SPAG16: variants seen among roughly 807,000 people sequenced by gnomAD.
SPAG16 encodes sperm-associated antigen 16 protein.
SPAG16 carries 86 observed loss-of-function variants against 80.4 expected under a neutral mutation model. The observed-to-expected ratio is 1.07, with a 90% CI of 0.90 to 1.28. The LOEUF is 1.28. Among genes scored for constraint, SPAG16 ranks in the 50% most tolerant of loss-of-function variants. SPAG16 has a pLI of 0.00. For missense variants in SPAG16, 870 were observed against 765.3 expected (o/e 1.14, Z -1.61); for synonymous variants, 294 against 265.9 (o/e 1.11, Z -1.03).
At chr2:213,824,266 C>T (rs2073131673) in intron 10 of SPAG16, among the ~76,000 whole-genome samples, 1 of 152,054 alleles carries the variant, frequency 6.6e-6, no homozygotes, top group Non-Finnish European at 1.5e-5. Context: ...AGCTATACTA[C>T]AAGGCTATGG....
chr2:214,173,650 G>A (rs1027345420), intron 15 of SPAG16, among the ~76,000 whole-genome samples: 3 of 151,886 alleles, frequency 2.0e-5, no homozygotes, highest in African/African-American at 7.3e-5. Context: ...AGAGCTACAA[G>A]GAGGAACTGG....
chr2:213,405,354 T>C (rs1368179429), intron 9 of SPAG16, among the ~76,000 whole-genome samples: 1 of 152,184 alleles, frequency 6.6e-6, no homozygotes, highest in Non-Finnish European at 1.5e-5. Context: ...CATGGATACA[T>C]AATAGTTACA....
At chr2:213,771,797 C>G (rs760638681) in intron 10 of SPAG16, among the ~76,000 whole-genome samples, 3 of 152,078 alleles carry the variant, frequency 2.0e-5, no homozygotes, top group Non-Finnish European at 4.4e-5. Flanking sequence ...CTATTCTGTT[C>G]CTTTGAATTA....
intron 1 of SPAG16, among the ~76,000 whole-genome samples, chr2:213,294,153 T>C (rs1204014881): frequency 6.6e-6 from 1 of 152,228 alleles, no homozygotes; most frequent in Non-Finnish European, 1.5e-5. Context: ...TTTTTTTAGA[T>C]TCCACATATA....
intron 15 of SPAG16, among the ~76,000 whole-genome samples, chr2:214,280,157 A>G (rs1692809431): frequency 6.6e-6 from 1 of 152,202 alleles, no homozygotes; most frequent in South Asian, 2.1e-4. Context: ...CGGTAATGCA[A>G]TGTTGGTTTA....
At chr2:213,710,298 A>G (rs1450907835) in intron 10 of SPAG16, among the ~76,000 whole-genome samples, 1 of 151,944 alleles carries the variant, frequency 6.6e-6, no homozygotes, top group Non-Finnish European at 1.5e-5. Flanking sequence ...AAAAAAAAAA[A>G]GAAGTTATAG....
intron 10 of SPAG16, among the ~76,000 whole-genome samples, chr2:213,644,849 A>G (rs998710248): frequency 4.6e-5 from 7 of 152,136 alleles, no homozygotes; most frequent in African/African-American, 1.7e-4. Context: ...TGCTGTAACT[A>G]CTTCCTGGCC....
chr2:213,846,566 CAAAAT>C (rs2074638280), intron 10 of SPAG16, among the ~76,000 whole-genome samples: 1 of 151,632 alleles, frequency 6.6e-6, no homozygotes, highest in Non-Finnish European at 1.5e-5. Flanking sequence ...TAATTTGACA[CAAAAT>C]AATATAATTA....
chr2:213,326,228 G>A (rs1339892811), intron 5 of SPAG16, among the ~76,000 whole-genome samples: 1 of 151,934 alleles, frequency 6.6e-6, no homozygotes, highest in East Asian at 1.9e-4. Context: ...AGAGAGTATA[G>A]GCATAAAGAA....
chr2:214,082,311 A>T lies in SPAG16; in HGVS notation c.1528-25885A>T, dbSNP rs544492178. 1.2e-4 allele frequency among the ~76,000 whole-genome samples: 18 copies of T among 152,176 alleles called. No homozygotes were observed. The South Asian group carries it at 3.7e-3, about 32-fold the overall frequency. On this transcript the variant is annotated intron_variant, in intron 13 of 15. Transcript: ENST00000331683. Reference sequence around the variant, plus strand: ...TTTTTCCATAAATAAATTTCTCCTCATCAATCTTCTTTCATTAAATAAAAT... The same window carrying T: ...TTTTTCCATAAATAAATTTCTCCTCTTCAATCTTCTTTCATTAAATAAAAT...
intron 10 of SPAG16, among the ~76,000 whole-genome samples, chr2:213,547,975 A>G (rs2076665773): frequency 1.3e-5 from 2 of 152,120 alleles, no homozygotes; most frequent in Admixed American, 6.5e-5. Flanking sequence ...TCTGTTTCCA[A>G]TTGGTACATA....
At chr2:213,358,140 G>GT in intron 7 of SPAG16, among the ~76,000 whole-genome samples, 1 of 152,150 alleles carries the variant, frequency 6.6e-6, no homozygotes, top group Non-Finnish European at 1.5e-5. Context: ...TTAGTCTGAT[G>GT]AGCTTCCCCT....
At chr2:213,990,846 T>C (rs376285008) in intron 12 of SPAG16, among the ~76,000 whole-genome samples, 2 of 152,106 alleles carry the variant, frequency 1.3e-5, no homozygotes, top group Middle Eastern at 3.2e-3. Flanking sequence ...GTGCCCCATA[T>C]GGAATTTGTA....
intron 10 of SPAG16, among the ~76,000 whole-genome samples, chr2:213,832,639 CAAG>C (rs981574947): frequency 6.6e-6 from 1 of 152,064 alleles, no homozygotes; most frequent in Non-Finnish European, 1.5e-5. Flanking sequence ...ACAGAGAGGC[CAAG>C]AAGAATTGGA....
intron 15 of SPAG16, among the ~76,000 whole-genome samples, chr2:214,259,260 G>T (rs1447965558): frequency 1.3e-5 from 2 of 151,666 alleles, no homozygotes; most frequent in South Asian, 4.2e-4. Context: ...TCAAATATCA[G>T]TTCAGTTGTT....
At chr2:213,588,018 T>A (rs2060529778) in intron 10 of SPAG16, among the ~76,000 whole-genome samples, 1 of 152,218 alleles carries the variant, frequency 6.6e-6, no homozygotes, top group African/African-American at 2.4e-5. Context: ...TAAGATAAAC[T>A]CATACTATTT....
chr2:214,299,079 A>C (rs1327711879), intron 15 of SPAG16, among the ~76,000 whole-genome samples: 1 of 152,132 alleles, frequency 6.6e-6, no homozygotes, highest in Non-Finnish European at 1.5e-5. Flanking sequence ...AAAATCTTGG[A>C]GTATCTGTGA....
intron 10 of SPAG16, among the ~76,000 whole-genome samples, chr2:213,635,807 T>C (rs1024849713): frequency 6.6e-6 from 1 of 152,338 alleles, no homozygotes; most frequent in African/African-American, 2.4e-5. Context: ...GGATTAGTTT[T>C]TCATGCTGAT....
intron 2 of SPAG16, chr2:213,296,939 C>A: frequency 1.7e-6 from 1 of 587,138 alleles, no homozygotes; most frequent in Non-Finnish European, 2.4e-6. Context: ...GTGGAAAGCA[C>A]TTGAGATGGG....
Sources: gnomAD v4.1 joint callset for allele counts (sites outside exome capture counted in the v4.1 genomes callset) on GRCh38, gnomAD v4.1.1 for gene constraint, MANE v1.5 for transcripts, NCBI Gene and HGNC (gene_info 2026-07-23, HGNC 2026-07-21) for gene names.